The following ZNF66 variants were observed in gnomAD, a reference collection of about 807,000 sequenced individuals.
ZNF66 encodes zinc finger protein 66.
In ZNF66, 32 loss-of-function variants were observed where a neutral mutation model predicts 35.2. The observed-to-expected ratio is 0.91, with a 90% CI of 0.69 to 1.22. ZNF66 has a LOEUF of 1.22. Ranked by LOEUF, ZNF66 falls within the 50% of genes most tolerant of loss-of-function variation. The pLI is 0.00. For synonymous variants in ZNF66, 231 were observed against 181.3 expected (o/e 1.27, Z -2.20); for missense variants, 666 against 543.1 (o/e 1.23, Z -2.25).
intron 1 of ZNF66, among the ~76,000 whole-genome samples, chr19:20,788,406 G>A (rs538068359): frequency 6.6e-6 from 1 of 152,166 alleles, no homozygotes; most frequent in African/African-American, 2.4e-5. Context: ...TGAACAGAAG[G>A]ATTATTATAA....
Position 20,805,957 on chromosome 19 carries a change from T to C in ZNF66, c.357T>C (p.Ser119=). Residue 119 remains serine, a synonymous_variant, in exon 4 of 4, where the codon AGT becomes AGC. Transcript: ENST00000344519. ...DNLQLKKGCE[S]VDKCKVHKRG... is the part of the protein sequence containing the mutation. ...TGCAGTTAAAAAAAGGCTGTGAAAG[T>C]GTGGATAAGTGTAAAGTGCACAAAA... is the stretch of plus-strand genomic sequence containing the variant. 2 of 709,416 alleles carry C rather than the reference T, an allele frequency of 2.8e-6. No homozygotes were observed. Among genetic ancestry groups the C allele is most frequent in the South Asian group, 1.8e-5 (1 of 55,510 alleles). The allele number at this position is 709,416 out of a possible 1,614,324, so 43.9% of individuals were successfully genotyped here.
chr19:20,782,216 A>G (rs1305264758), intron 1 of ZNF66, among the ~76,000 whole-genome samples: 1 of 152,240 alleles, frequency 6.6e-6, no homozygotes, highest in Non-Finnish European at 1.5e-5. Flanking sequence ...AAGTGCTGGA[A>G]TTACAGGCAT....
Position 20,806,134 on chromosome 19 carries a change from TGGC to T in ZNF66, c.535_537del (p.Gly179del). Reference sequence around the variant, plus strand: ...AAAACCCTTGCAAATTTACAGAATGTGGCAAAGCTTTTAACCGGTCCTCAACCT... The same window carrying T: ...AAAACCCTTGCAAATTTACAGAATGTAAAGCTTTTAACCGGTCCTCAACCT... On this transcript the variant is annotated inframe_deletion, in exon 4 of 4. Transcript: ENST00000344519. The T allele has an allele frequency of 9.1e-7, 1 of 1,096,736 alleles. No homozygotes were observed. The highest frequency in any genetic ancestry group is 1.3e-5 in the South Asian group (1 of 78,730). 67.9% of individuals were successfully genotyped at this position (1,096,736 alleles called of 1,614,324 possible).
chr19:20,799,755 C>T (rs943656881), intron 3 of ZNF66, among the ~76,000 whole-genome samples: 3 of 152,074 alleles, frequency 2.0e-5, no homozygotes, highest in Non-Finnish European at 1.5e-5. Flanking sequence ...ATATACAGAA[C>T]GGTTTATTTC....
intron 1 of ZNF66, among the ~76,000 whole-genome samples, chr19:20,777,452 ATTT>A (rs756548895): frequency 1.6e-5 from 2 of 123,146 alleles, no homozygotes; most frequent in East Asian, 2.3e-4. Flanking sequence ...TTGAGCTTAG[ATTT>A]TTTTTTTTTT....
chr19:20,804,566 C>A (rs1971481449), intron 3 of ZNF66, among the ~76,000 whole-genome samples: 1 of 152,074 alleles, frequency 6.6e-6, no homozygotes, highest in African/African-American at 2.4e-5. Context: ...ATTTTTGAGA[C>A]AGGCTTCCTC....
chr19:20,778,698 T>C (rs1262773158), intron 1 of ZNF66, among the ~76,000 whole-genome samples: 1 of 150,962 alleles, frequency 6.6e-6, no homozygotes, highest in Non-Finnish European at 1.5e-5. Context: ...AACAAGAATG[T>C]CTTGAACCCG....
At chr19:20,793,971 T>C in intron 3 of ZNF66, 93 bp downstream of exon 3, 1 of 643,956 alleles carries the variant, frequency 1.6e-6, no homozygotes. Flanking sequence ...TTCTGGAAGC[T>C]GTGTTCCAAA....
intron 1 of ZNF66, among the ~76,000 whole-genome samples, chr19:20,777,620 A>AATTATT (rs150715481): frequency 0.091 from 13,608 of 150,174 alleles, 733 homozygotes; most frequent in Non-Finnish European, 0.12. Flanking sequence ...TTCCTCAATT[A>AATTATT]ATTATTATTA....
chr19:20,791,416 C>T (rs768377081), intron 1 of ZNF66, among the ~76,000 whole-genome samples: 8 of 141,176 alleles, frequency 5.7e-5, no homozygotes, highest in South Asian at 2.3e-4. Context: ...ACCCAGGAGG[C>T]GGAGGTTGCA....
Position 20,776,317 on chromosome 19 carries a change from G to C in ZNF66, c.-131G>C. The C allele has an allele frequency of 1.4e-6, 2 of 1,406,012 alleles. No homozygotes were observed. The highest frequency in any genetic ancestry group is 2.3e-5 in the South Asian group (2 of 86,536). The allele number at this position is 1,406,012 out of a possible 1,614,324, so 87.1% of individuals were successfully genotyped here. A position where few individuals can be genotyped will look rare whatever the true frequency, so the allele number is the denominator to read the frequency against. On this transcript the variant is annotated 5_prime_UTR_variant, in exon 1 of 4. Coordinates refer to ENST00000344519, the MANE Select transcript of ZNF66 (RefSeq NM_001355197.2). ...GGCGGGGTCTTTGTCTCTCCCTGCA[G>C]CTGGAGCTCCAGGTCGTCTGTTCAC...
chr19:20,787,684 G>GT (rs1971299486), intron 1 of ZNF66, among the ~76,000 whole-genome samples: 1 of 152,198 alleles, frequency 6.6e-6, no homozygotes, highest in Non-Finnish European at 1.5e-5. Flanking sequence ...GGCAGAATTT[G>GT]TAAGTGTAAA....
chr19:20,803,174 TA>T (rs1196918397), intron 3 of ZNF66, among the ~76,000 whole-genome samples: 1 of 133,424 alleles, frequency 7.5e-6, no homozygotes, highest in East Asian at 2.0e-4. Flanking sequence ...AATTTTTTAA[TA>T]AACCTTTTTA....
Position 20,807,408 on chromosome 19 carries a change from C to A in ZNF66, c.*86C>A. ...TGATGAATGTGGGAAAGACTTTAACCAGCTATCAACTTTTACTAAATATGA... is the reference window on the plus strand; with the variant it reads ...TGATGAATGTGGGAAAGACTTTAACAAGCTATCAACTTTTACTAAATATGA... On this transcript the variant is annotated 3_prime_UTR_variant, in exon 4 of 4. Transcript: ENST00000344519. 1 of 554,798 alleles carries A rather than the reference C, an allele frequency of 1.8e-6. No homozygotes were observed. Among genetic ancestry groups the A allele is most frequent in the South Asian group, 2.9e-5 (1 of 34,266 alleles). 34.4% of individuals were successfully genotyped at this position (554,798 alleles called of 1,614,324 possible). A position where few individuals can be genotyped will look rare whatever the true frequency, so the allele number is the denominator to read the frequency against.
At chr19:20,790,986 T>C (rs1226286966) in intron 1 of ZNF66, among the ~76,000 whole-genome samples, 5 of 152,164 alleles carry the variant, frequency 3.3e-5, no homozygotes, top group African/African-American at 1.2e-4. Flanking sequence ...CATCATAACT[T>C]CTTATACGCC....
In ZNF66 at chr19:20,808,019, G is replaced by A. The variant is rs984469132; in HGVS notation, c.*697G>A. Among the ~76,000 whole-genome samples, 13 of 152,172 alleles carry A rather than the reference G, an allele frequency of 8.5e-5. No individual in the cohort carries two copies. Among genetic ancestry groups the A allele is most frequent in the Non-Finnish European group, 1.3e-4 (9 of 68,034 alleles). On this transcript the variant is annotated 3_prime_UTR_variant, in exon 4 of 4. Coordinates refer to ENST00000344519, the MANE Select transcript of ZNF66 (RefSeq NM_001355197.2). ...TGGGTTACTCCCACCCTAATACTGC[G>A]CAATTCCAATGGGCTTAAAAAATGG... is the stretch of plus-strand genomic sequence containing the variant.
intron 1 of ZNF66, among the ~76,000 whole-genome samples, chr19:20,790,011 C>A (rs73009718): frequency 0.08 from 12,171 of 152,244 alleles, 529 homozygotes; most frequent in Middle Eastern, 0.11. Context: ...GCCTGCTTCT[C>A]TAACTAATGT....
At chr19:20,790,954 A>G (rs1472352853) in intron 1 of ZNF66, among the ~76,000 whole-genome samples, 2 of 152,206 alleles carry the variant, frequency 1.3e-5, no homozygotes, top group Non-Finnish European at 2.9e-5. Flanking sequence ...CCTGTATCCC[A>G]GAGCCTTCTC....
chr19:20,793,649 A>T, intron 2 of ZNF66, 134 bp from the exon 3 acceptor site: 1 of 431,414 alleles, frequency 2.3e-6, no homozygotes, highest in Non-Finnish European at 4.1e-6. Context: ...AATATTTAGA[A>T]ATCTCTGTTA....
Sources: gnomAD v4.1 joint callset for allele counts (sites outside exome capture counted in the v4.1 genomes callset) on GRCh38, gnomAD v4.1.1 for gene constraint, MANE v1.5 for transcripts, NCBI Gene and HGNC (gene_info 2026-07-23, HGNC 2026-07-21) for gene names.